The following GULP1 variants were observed in gnomAD, a reference collection of about 807,000 sequenced individuals.
GULP1 encodes GULP PTB domain containing engulfment adaptor 1.
In GULP1, 19 loss-of-function variants were observed where a neutral mutation model predicts 40.9. The observed-to-expected ratio is 0.46, with a 90% CI of 0.32 to 0.68. The LOEUF (loss-of-function observed/expected upper bound fraction) is 0.68, where lower values mean the gene tolerates loss of function less well. Among genes scored for constraint, GULP1 ranks in the 30% least tolerant of loss-of-function variants. The pLI is 0.03. For missense variants in GULP1, 312 were observed against 362.2 expected (o/e 0.86, Z 1.12); for synonymous variants, 119 against 117.6 (o/e 1.01, Z -0.08).
intron 2 of GULP1, among the ~76,000 whole-genome samples, chr2:188,399,033 G>A (rs2051704678): frequency 6.6e-6 from 1 of 152,184 alleles, no homozygotes; most frequent in African/African-American, 2.4e-5. Flanking sequence ...GCAACCATCT[G>A]TGAAACAACA....
intron 2 of GULP1, among the ~76,000 whole-genome samples, chr2:188,475,794 T>C (rs2060961958): frequency 6.6e-6 from 1 of 152,168 alleles, no homozygotes; most frequent in South Asian, 2.1e-4. Context: ...TTTGAAATGA[T>C]ACCAAATATA....
chr2:188,517,772 A>T (rs994531228), intron 4 of GULP1, among the ~76,000 whole-genome samples: 1 of 152,022 alleles, frequency 6.6e-6, no homozygotes, highest in African/African-American at 2.4e-5. Context: ...TAAGATTAGC[A>T]GCTAGTATCC....
chr2:188,407,855 T>C (rs1181002176), intron 2 of GULP1, among the ~76,000 whole-genome samples: 1 of 152,074 alleles, frequency 6.6e-6, no homozygotes, highest in Non-Finnish European at 1.5e-5. Flanking sequence ...AGTGGATGAA[T>C]GGATTAAAAA....
intron 2 of GULP1, among the ~76,000 whole-genome samples, chr2:188,403,959 C>G (rs1299431773): frequency 6.6e-6 from 1 of 152,108 alleles, no homozygotes. Flanking sequence ...GAACTCATTT[C>G]CAGGACACTC....
chr2:188,325,032 C>T (rs561555367), intron 1 of GULP1, among the ~76,000 whole-genome samples: 1 of 151,978 alleles, frequency 6.6e-6, no homozygotes, highest in Non-Finnish European at 1.5e-5. Flanking sequence ...CATACACACA[C>T]ACCCACACCC....
intron 2 of GULP1, among the ~76,000 whole-genome samples, chr2:188,435,202 T>A (rs2057295073): frequency 6.6e-6 from 1 of 152,074 alleles, no homozygotes; most frequent in South Asian, 2.1e-4. Flanking sequence ...AATATAAGAC[T>A]TAGTCCTGAA....
At chr2:188,552,075 C>A (rs926023150) in intron 7 of GULP1, among the ~76,000 whole-genome samples, 4 of 151,148 alleles carry the variant, frequency 2.6e-5, no homozygotes, top group Admixed American at 2.6e-4. Flanking sequence ...AGTTAGTCCT[C>A]TGTCAGATGA....
At chr2:188,328,305 C>T (rs1290036250) in intron 1 of GULP1, among the ~76,000 whole-genome samples, 2 of 152,096 alleles carry the variant, frequency 1.3e-5, no homozygotes, top group Non-Finnish European at 2.9e-5. Flanking sequence ...TTATTCCCAT[C>T]TTCCCTTTCA....
intron 2 of GULP1, among the ~76,000 whole-genome samples, chr2:188,419,629 G>T (rs1575131826): frequency 6.6e-6 from 1 of 151,060 alleles, no homozygotes; most frequent in African/African-American, 2.4e-5. Context: ...TATGTGTCTT[G>T]CAGTATTTCC....
intron 1 of GULP1, among the ~76,000 whole-genome samples, chr2:188,330,334 A>G (rs2041391980): frequency 6.6e-6 from 1 of 152,216 alleles, no homozygotes; most frequent in Non-Finnish European, 1.5e-5. Context: ...TCAGGTAGAC[A>G]TATAAAGTAT....
rs542457268 is a variant in GULP1 at position 188,522,938 on chromosome 2, A to T, written c.162+111A>T. 7.9e-4 allele frequency: 509 copies of T among 643,288 alleles called. 2 individuals are homozygous for T. In the African/African-American group the frequency reaches 8.2e-3, roughly 10 times the overall value. The allele number at this position is 643,288 out of a possible 1,614,324, so 39.8% of individuals were successfully genotyped here. ...TTTGCTGCAGGTATAGCTTCACCCT[A>T]TTAAAAATGAACTATTGAACAAATG... On this transcript the variant is annotated intron_variant, in intron 5 of 11. Coordinates refer to ENST00000409830, the MANE Select transcript of GULP1 (RefSeq NM_016315.4).
At chr2:188,444,967 CAACTGATT>C (rs1274615083) in intron 2 of GULP1, among the ~76,000 whole-genome samples, 2 of 152,140 alleles carry the variant, frequency 1.3e-5, no homozygotes, top group Non-Finnish European at 2.9e-5. Flanking sequence ...AAAGCAGACT[CAACTGATT>C]GTCACCTATT....
intron 6 of GULP1, among the ~76,000 whole-genome samples, chr2:188,538,056 C>T (rs1689410338): frequency 2.0e-5 from 3 of 152,056 alleles, no homozygotes; most frequent in African/African-American, 7.2e-5. Context: ...TCTCATTGTA[C>T]TTTTTGGCTC....
At chr2:188,591,350 T>C (rs1703518091) in intron 11 of GULP1, 1 of 152,106 alleles carries the variant, frequency 6.6e-6, no homozygotes, top group African/African-American at 2.4e-5. Flanking sequence ...GAGGTAACTA[T>C]GGCCTAGCAG....
intron 1 of GULP1, among the ~76,000 whole-genome samples, chr2:188,341,722 A>G (rs910452749): frequency 6.6e-6 from 1 of 152,224 alleles, no homozygotes; most frequent in Non-Finnish European, 1.5e-5. Flanking sequence ...AGTTTTTAAT[A>G]TAAATTATCA....
intron 1 of GULP1, among the ~76,000 whole-genome samples, chr2:188,315,154 A>G (rs1009051209): frequency 2.0e-5 from 3 of 152,172 alleles, no homozygotes; most frequent in South Asian, 4.1e-4. Context: ...CTAATCTTCA[A>G]TCCATGAAAT....
chr2:188,479,166 T>A (rs1400256384), intron 3 of GULP1, among the ~76,000 whole-genome samples: 1 of 152,084 alleles, frequency 6.6e-6, no homozygotes, highest in Non-Finnish European at 1.5e-5. Context: ...CTTTTTTTGG[T>A]CTCTGAAGTG....
chr2:188,457,963 G>T (rs114184233), intron 2 of GULP1, among the ~76,000 whole-genome samples: 7 of 151,992 alleles, frequency 4.6e-5, no homozygotes, highest in African/African-American at 1.7e-4. Flanking sequence ...ATTTGAGATG[G>T]CTCTTTTCTG....
chr2:188,351,148 G>C (rs1238231115), intron 1 of GULP1, among the ~76,000 whole-genome samples: 1 of 152,100 alleles, frequency 6.6e-6, no homozygotes, highest in African/African-American at 2.4e-5. Context: ...AATATAGTTT[G>C]AGTAGGACTT....
Sources: gnomAD v4.1 joint callset for allele counts (sites outside exome capture counted in the v4.1 genomes callset) on GRCh38, gnomAD v4.1.1 for gene constraint, MANE v1.5 for transcripts, NCBI Gene and HGNC (gene_info 2026-07-23, HGNC 2026-07-21) for gene names.